The following TMEM245 variants were observed in gnomAD, a reference collection of about 807,000 sequenced individuals.
TMEM245 encodes transmembrane protein 245, also known as protein CG-2.
In TMEM245, 69 loss-of-function variants were observed where a neutral mutation model predicts 101.2. The observed-to-expected ratio is 0.68, with a 90% CI of 0.56 to 0.83. TMEM245 has a LOEUF of 0.83. TMEM245 is among the 40% of genes least tolerant of loss of function. The pLI is 0.00. For missense variants in TMEM245, 1,075 were observed against 1,092.8 expected (o/e 0.98, Z 0.23); for synonymous variants, 537 against 449.8 (o/e 1.19, Z -2.45).
intron 3 of TMEM245, among the ~76,000 whole-genome samples, chr9:109,104,228 G>A (rs115314174): frequency 2.6e-5 from 4 of 152,052 alleles, no homozygotes; most frequent in African/African-American, 9.6e-5. Context: ...AATACTTGAG[G>A]GGATGGATAC....
Position 109,051,295 on chromosome 9 carries a change from A to AACACACACACACACACACAC in TMEM245, c.1855-623_1855-604dup, listed in dbSNP as rs67093439. On this transcript the variant is annotated intron_variant, in intron 12 of 17. Coordinates refer to ENST00000374586, the MANE Select transcript of TMEM245 (RefSeq NM_032012.4). ...CAGCAAGAGCAAAACTCTGTCTCAAAACACACACACACACACACACACACA... is the reference window on the plus strand; with the variant it reads ...CAGCAAGAGCAAAACTCTGTCTCAAAACACACACACACACACACACACACACACACACACACACACACACA... Among the ~76,000 whole-genome samples, 4 of 135,152 alleles carry AACACACACACACACACACAC rather than the reference A, an allele frequency of 3.0e-5. 1 individual carries two copies. The South Asian group carries it at 7.5e-4, about 25-fold the overall frequency. The allele number at this position is 135,152 out of a possible 152,430, so 88.7% of individuals were successfully genotyped here. A position where few individuals can be genotyped will look rare whatever the true frequency, so the allele number is the denominator to read the frequency against.
chr9:109,055,073 T>C (rs1828791252), intron 12 of TMEM245, among the ~76,000 whole-genome samples: 1 of 152,246 alleles, frequency 6.6e-6, no homozygotes, highest in Non-Finnish European at 1.5e-5. Context: ...GCCTCTTCTC[T>C]TTCCGTAAGA....
intron 8 of TMEM245, among the ~76,000 whole-genome samples, chr9:109,076,085 G>A (rs1019655249): frequency 2.0e-5 from 3 of 151,800 alleles, no homozygotes; most frequent in Non-Finnish European, 4.4e-5. Context: ...AAATTTATTC[G>A]ATTCACAGGT....
intron 7 of TMEM245, among the ~76,000 whole-genome samples, chr9:109,084,361 C>T (rs978446495): frequency 1.5e-4 from 23 of 152,060 alleles, no homozygotes; most frequent in African/African-American, 5.1e-4. Flanking sequence ...CAATGCTTTA[C>T]TATGTTATAT....
At chr9:109,093,401 G>C (rs1588069644) in intron 4 of TMEM245, 74 bp downstream of exon 4, 3 of 1,218,848 alleles carry the variant, frequency 2.5e-6, no homozygotes, top group Non-Finnish European at 3.6e-6. Context: ...TGTGATGCTG[G>C]TGTCCTGAAT....
At chr9:109,031,991 G>A (rs756236691) in intron 17 of TMEM245, among the ~76,000 whole-genome samples, 47 of 151,942 alleles carry the variant, frequency 3.1e-4, no homozygotes, top group East Asian at 1.9e-4. Flanking sequence ...TTGAAATGCC[G>A]GTACAATTAA....
At chr9:109,056,605 A>ACT (rs1362411183) in intron 12 of TMEM245, among the ~76,000 whole-genome samples, 1 of 151,928 alleles carries the variant, frequency 6.6e-6, no homozygotes, top group African/African-American at 2.4e-5. Flanking sequence ...AACAGAATGA[A>ACT]CTCCGTCTCA....
At chr9:109,033,566 A>G in intron 16 of TMEM245, 65 bp from the exon 17 acceptor site, 1 of 1,468,686 alleles carries the variant, frequency 6.8e-7, no homozygotes, top group Non-Finnish European at 9.1e-7. Context: ...CATTTCTAAT[A>G]CAATGTGCAT....
chr9:109,079,811 G>A (rs1212116584), intron 8 of TMEM245, among the ~76,000 whole-genome samples: 1 of 151,894 alleles, frequency 6.6e-6, no homozygotes, highest in Non-Finnish European at 1.5e-5. Flanking sequence ...TGAAAGAACT[G>A]GAATGTAAGA....
intron 16 of TMEM245, among the ~76,000 whole-genome samples, chr9:109,035,840 G>A (rs1828101750): frequency 6.6e-6 from 1 of 151,176 alleles, no homozygotes; most frequent in African/African-American, 2.4e-5. Flanking sequence ...GAAGTTCAAG[G>A]CAGGAGGACT....
intron 8 of TMEM245, among the ~76,000 whole-genome samples, chr9:109,079,875 G>A (rs1319570828): frequency 1.3e-5 from 2 of 152,062 alleles, no homozygotes; most frequent in Non-Finnish European, 2.9e-5. Context: ...AAATAAGTCT[G>A]CACAGTATAT....
In TMEM245 at chr9:109,015,945, A is replaced by G. The variant is rs1481337546; in HGVS notation, c.*4515T>C. On this transcript the variant is annotated 3_prime_UTR_variant, in exon 18 of 18. Transcript: ENST00000374586. ...ACCACAGGTGGAAAAGAATCTCTAT[A>G]CCTTAAGTATAGCTCTAAACAGCAA... The G allele has an allele frequency of 1.3e-5, 2 of 152,630 alleles. No individual in the cohort carries two copies. The highest frequency in any genetic ancestry group is 4.8e-5 in the African/African-American group (2 of 41,434). 9.5% of individuals were successfully genotyped at this position (152,630 alleles called of 1,614,324 possible). A position where few individuals can be genotyped will look rare whatever the true frequency, so the allele number is the denominator to read the frequency against.
intron 3 of TMEM245, among the ~76,000 whole-genome samples, chr9:109,105,768 T>C (rs145292721): frequency 2.0e-5 from 3 of 152,268 alleles, no homozygotes; most frequent in East Asian, 1.9e-4. Flanking sequence ...TTGTGACATA[T>C]TGTATGCCTG....
Position 109,045,748 on chromosome 9 carries a change from G to C in TMEM245, c.2123+4535C>G, listed in dbSNP as rs573071893. 3.9e-5 allele frequency among the ~76,000 whole-genome samples: 6 copies of C among 152,318 alleles called. No homozygotes were observed. In the East Asian group the frequency reaches 7.7e-4, roughly 20 times the overall value. On this transcript the variant is annotated intron_variant, in intron 14 of 17. Transcript: ENST00000374586. ...TTACCTTGGAAACTTAAGTTTATGA[G>C]ATGAATCTTTCATCAGGTAGGTTAA...
intron 9 of TMEM245, among the ~76,000 whole-genome samples, chr9:109,065,630 A>G (rs1829146196): frequency 6.6e-6 from 1 of 152,200 alleles, no homozygotes; most frequent in African/African-American, 2.4e-5. Context: ...AGGCTGTACC[A>G]TACACCTTAA....
chr9:109,096,822 A>C (rs1301472914), intron 3 of TMEM245, among the ~76,000 whole-genome samples: 2 of 152,244 alleles, frequency 1.3e-5, no homozygotes, highest in Non-Finnish European at 2.9e-5. Context: ...CACTGTAAGA[A>C]AAGTAAGTCC....
intron 17 of TMEM245, among the ~76,000 whole-genome samples, chr9:109,032,806 TC>T (rs1828000733): frequency 7.9e-6 from 1 of 126,796 alleles, no homozygotes; most frequent in South Asian, 2.5e-4. Context: ...CCAATATAGG[TC>T]TTTTTTTTTT....
chr9:109,026,664 T>G (rs958432016), intron 17 of TMEM245, among the ~76,000 whole-genome samples: 1 of 150,468 alleles, frequency 6.6e-6, no homozygotes, highest in African/African-American at 2.4e-5. Flanking sequence ...GCATACGTGA[T>G]AGAGTTTGGC....
intron 14 of TMEM245, among the ~76,000 whole-genome samples, chr9:109,041,883 CGCTGTCAG>C (rs1828319929): frequency 6.6e-6 from 1 of 151,988 alleles, no homozygotes; most frequent in Non-Finnish European, 1.5e-5. Context: ...GTAATCCTAA[CGCTGTCAG>C]AGGCCGAAGC....
Sources: allele counts gnomAD v4.1 joint callset (sites outside exome capture counted in the v4.1 genomes callset), GRCh38; gene constraint gnomAD v4.1.1; transcripts MANE v1.5; gene names NCBI Gene and HGNC (gene_info 2026-07-23, HGNC 2026-07-21).